Variants in SMARCA1 observed in about 807,000 individuals in gnomAD.
SMARCA1 encodes SNF2 related chromatin remodeling ATPase 1.
A neutral mutation model predicts 93.6 loss-of-function variants in SMARCA1; 17 were observed. The observed-to-expected ratio is 0.18, with a 90% CI of 0.12 to 0.27. The LOEUF (loss-of-function observed/expected upper bound fraction) is 0.27. Ranked by LOEUF, SMARCA1 falls within the 10% of genes least tolerant of loss-of-function variation. The pLI is 1.00. For missense variants in SMARCA1, 630 were observed against 819.0 expected (o/e 0.77, Z 2.82); for synonymous variants, 271 against 271.4 (o/e 1.00, Z 0.01).
chrX:129,456,043 G>A (rs2124167975), intron 23 of SMARCA1, among the ~76,000 whole-genome samples: 1 of 111,945 alleles, frequency 8.9e-6, no homozygotes, highest in South Asian at 3.8e-4. Context: ...AACTAGAGAG[G>A]AAAAGCGGAT....
At chrX:129,492,708 T>A (rs1199897472) in intron 13 of SMARCA1, among the ~76,000 whole-genome samples, 1 of 110,942 alleles carries the variant, frequency 9.0e-6, no homozygotes, top group Non-Finnish European at 1.9e-5. Flanking sequence ...AATATGAATA[T>A]TCTTACTATA....
At chrX:129,505,613 A>T (rs929552389) in intron 8 of SMARCA1, among the ~76,000 whole-genome samples, 2 of 110,473 alleles carry the variant, frequency 1.8e-5, no homozygotes, top group Non-Finnish European at 3.8e-5. Context: ...TAATGATAAA[A>T]ATATATATAT....
At chrX:129,500,445 C>T (rs1934515695) in intron 9 of SMARCA1, among the ~76,000 whole-genome samples, 1 of 112,638 alleles carries the variant, frequency 8.9e-6, no homozygotes, top group South Asian at 3.6e-4. Flanking sequence ...GGATTACAGG[C>T]GTGAGCCACT....
chrX:129,499,262 G>A (rs1355705082), intron 10 of SMARCA1, among the ~76,000 whole-genome samples: 1 of 111,054 alleles, frequency 9.0e-6, no homozygotes, highest in Non-Finnish European at 1.9e-5. Flanking sequence ...GGCTAGTCTT[G>A]AACTCCTAGG....
intron 20 of SMARCA1, 63 bp downstream of exon 20, chrX:129,471,141 A>G: frequency 1.1e-6 from 1 of 941,576 alleles, no homozygotes; most frequent in Non-Finnish European, 1.5e-6. Flanking sequence ...AAAAAGTGTG[A>G]TCTATATTTT....
At chrX:129,509,403 T>C (rs751631280) in intron 6 of SMARCA1, among the ~76,000 whole-genome samples, 2 of 109,873 alleles carry the variant, frequency 1.8e-5, no homozygotes, top group African/African-American at 6.6e-5. Flanking sequence ...GAGATCTCAG[T>C]TGCACCCTGG....
At chrX:129,502,740 G>A (rs1934615271) in intron 9 of SMARCA1, among the ~76,000 whole-genome samples, 1 of 111,753 alleles carries the variant, frequency 8.9e-6, no homozygotes, top group African/African-American at 3.3e-5. Context: ...GGATGGGTAC[G>A]TGTTTGGATT....
rs1242360575 is a variant in SMARCA1 at position 129,485,415 on chromosome X, T to C, written c.2217+1603A>G. 2.7e-5 allele frequency among the ~76,000 whole-genome samples: 3 copies of C among 112,215 alleles called. No homozygotes were observed. The East Asian group carries it at 8.4e-4, about 31-fold the overall frequency. On this transcript the variant is annotated intron_variant, in intron 17 of 24. Transcript: ENST00000371121. ...ATAACCATTGTATCTTAGAAATAAA[T>C]ATCTTGTTTTTGGTTTTATAGGCTC... is the stretch of plus-strand genomic sequence containing the variant.
chrX:129,518,533 A>C lies in SMARCA1; in HGVS notation c.175-86T>G, dbSNP rs192202079. The C allele has an allele frequency of 8.0e-6, 4 of 502,042 alleles. No homozygotes were observed. In the African/African-American group the frequency reaches 9.6e-5, roughly 12 times the overall value. The allele number at this position is 502,042 out of a possible 1,213,427, so 41.4% of individuals were successfully genotyped here. ...ATGCTCTCATTAGAAGAAGGCGGAA[A>C]GTAATTACATAACTAAATATATAAA... On this transcript the variant is annotated intron_variant, in intron 1 of 24. Transcript: ENST00000371121.
intron 5 of SMARCA1, among the ~76,000 whole-genome samples, chrX:129,514,077 C>T (rs1935105851): frequency 8.9e-6 from 1 of 112,977 alleles, no homozygotes; most frequent in Admixed American, 9.3e-5. Flanking sequence ...CCTGTAATCC[C>T]AGCACTTTGG....
At chrX:129,491,762 T>C (rs1177802493) in intron 14 of SMARCA1, among the ~76,000 whole-genome samples, 179 bp downstream of exon 14, 1 of 112,106 alleles carries the variant, frequency 8.9e-6, no homozygotes, top group Non-Finnish European at 1.9e-5. Flanking sequence ...GTTGTTCGCT[T>C]TCATTTCTTT....
chrX:129,506,083 T>C lies in SMARCA1; in HGVS notation c.1095A>G (p.Ala365=), dbSNP rs777410808. 5.9e-6 allele frequency: 7 copies of C among 1,191,886 alleles called. No individual in the cohort carries two copies. Among genetic ancestry groups the C allele is most frequent in the South Asian group, 3.7e-5 (2 of 54,223 alleles). ...NFLLPDVFNS[A]DDFDSWFDTK... Reference sequence around the variant, plus strand: ...AAAACGTATGGCTTAAACTTACATCTGCAGAATTAAAGACATCAGGCAATA... The same window carrying C: ...AAAACGTATGGCTTAAACTTACATCCGCAGAATTAAAGACATCAGGCAATA... The change falls in exon 8 of 25, where the codon GCA becomes GCG. Residue 365 remains alanine (A), a synonymous_variant. Coordinates refer to ENST00000371121, the MANE Select transcript of SMARCA1 (RefSeq NM_001282874.2).
chrX:129,499,643 G>T (rs1052452898), intron 10 of SMARCA1, 89 bp downstream of exon 10: 2 of 443,308 alleles, frequency 4.5e-6, no homozygotes, highest in South Asian at 3.3e-5. Context: ...TGTAATTTTT[G>T]AACTAATGGC....
At chrX:129,514,823 G>T (rs1422088351) in intron 5 of SMARCA1, among the ~76,000 whole-genome samples, 2 of 111,434 alleles carry the variant, frequency 1.8e-5, no homozygotes, top group Non-Finnish European at 3.8e-5. Context: ...GCCGAAGCAG[G>T]TGGATCACAA....
intron 6 of SMARCA1, among the ~76,000 whole-genome samples, chrX:129,508,298 A>T (rs1411162739): frequency 1.8e-5 from 2 of 111,834 alleles, no homozygotes; most frequent in Admixed American, 9.5e-5. Context: ...CTGCTAATAT[A>T]TTCATTAACA....
intron 17 of SMARCA1, among the ~76,000 whole-genome samples, chrX:129,483,401 G>A (rs1160635373): frequency 1.3e-5 from 1 of 78,200 alleles, no homozygotes; most frequent in Non-Finnish European, 2.1e-5. Flanking sequence ...CTAACTCTAA[G>A]AGCCTGAGAT....
chrX:129,513,448 C>G (rs1935082717), intron 5 of SMARCA1, among the ~76,000 whole-genome samples: 1 of 107,269 alleles, frequency 9.3e-6, no homozygotes, highest in Admixed American at 1.0e-4. Context: ...CGCTTGAACC[C>G]GGGAGGTGGA....
chrX:129,492,354 G>A lies in SMARCA1; in HGVS notation c.1663-261C>T, dbSNP rs1934160999. ...TTCCTAATCTTTAAAAGCTTACATC[G>A]ATAGATACAAATTTAGAACAATTAC... On this transcript the variant is annotated intron_variant, in intron 13 of 24. Coordinates refer to ENST00000371121, the MANE Select transcript of SMARCA1 (RefSeq NM_001282874.2). Among the ~76,000 whole-genome samples, 5 of 111,214 alleles carry A rather than the reference G, an allele frequency of 4.5e-5. 1 individual carries two copies. In the South Asian group the frequency reaches 1.8e-3, roughly 41 times the overall value.
intron 12 of SMARCA1, 96 bp from the exon 13 acceptor site, chrX:129,493,171 C>T (rs1005932811): frequency 8.8e-6 from 3 of 339,753 alleles, no homozygotes; most frequent in Non-Finnish European, 1.6e-5. Flanking sequence ...ACAACCTAAA[C>T]GATCAAGAAT....
Sources: gnomAD v4.1 joint callset for allele counts (sites outside exome capture counted in the v4.1 genomes callset) on GRCh38, gnomAD v4.1.1 for gene constraint, MANE v1.5 for transcripts, NCBI Gene and HGNC (gene_info 2026-07-23, HGNC 2026-07-21) for gene names.